CAPS2: variants seen among roughly 807,000 people sequenced by gnomAD.
The protein encoded by CAPS2 is calcyphosine 2, also known as calcyphosin-2.
CAPS2 carries 98 observed loss-of-function variants against 86.5 expected under a neutral mutation model. The ratio of observed to expected loss-of-function variants is 1.13; its 90% CI spans 0.96 to 1.34. The LOEUF is 1.34. Among genes scored for constraint, CAPS2 ranks in the 40% most tolerant of loss-of-function variants. The pLI is 0.00. For synonymous variants in CAPS2, 210 were observed against 225.1 expected (o/e 0.93, Z 0.60); for missense variants, 729 against 686.8 (o/e 1.06, Z -0.69).
At position 75,323,542 on chromosome 12, in the gene CAPS2, G is replaced by A. The variant is rs191939754; in HGVS notation, c.132-320C>T. Among the ~76,000 whole-genome samples, 434 of 152,184 alleles carry A rather than the reference G, an allele frequency of 2.9e-3. 3 individuals are homozygous for A. The highest frequency in any genetic ancestry group is 0.01 in the African/African-American group (419 of 41,520). On this transcript the variant is annotated intron_variant, in intron 2 of 16. Transcript: ENST00000393284. ...GCAGATCACCTGAGGTCGGGAGATC[G>A]AGACCAGCCTGACCAACATGGAGAA...
rs186880042 is a variant in CAPS2 at position 75,337,401 on chromosome 12, A to G, written c.-394-14179T>C. Among the ~76,000 whole-genome samples the G allele has an allele frequency of 3.8e-3, 575 of 152,038 alleles. 3 individuals carry two copies. Among genetic ancestry groups the G allele is most frequent in the Non-Finnish European group, 4.2e-3 (287 of 67,772 alleles). On this transcript the variant is annotated intron_variant, in intron 1 of 5. Coordinates refer to the CAPS2 transcript ENST00000551829. ...CACAACTCAAAAATCAATTTTAGGA[A>G]TGGAAAATCACTTTTAAAAAACTCC...
chr12:75,369,055 T>A (rs570068939), intron 1 of CAPS2, among the ~76,000 whole-genome samples: 1 of 152,072 alleles, frequency 6.6e-6, no homozygotes, highest in Non-Finnish European at 1.5e-5. Flanking sequence ...ATATTTTAGC[T>A]TGGTTGGCTT....
chr12:75,335,691 T>C lies in CAPS2; in HGVS notation c.-394-12469A>G, dbSNP rs1353382770. Among the ~76,000 whole-genome samples, 4 of 151,990 alleles carry C rather than the reference T, an allele frequency of 2.6e-5. No individual in the cohort carries two copies. In the East Asian group the frequency reaches 7.7e-4, roughly 29 times the overall value. ...AGTTCAAAACTGTACTAGTCTACTG[T>C]ATAAGAAAATTATATTTTGATGGAG... On this transcript the variant is annotated intron_variant, in intron 1 of 5. Coordinates refer to the CAPS2 transcript ENST00000551829.
At chr12:75,340,926 T>C (rs1270847450) in intron 1 of CAPS2, among the ~76,000 whole-genome samples, 1 of 151,736 alleles carries the variant, frequency 6.6e-6, no homozygotes, top group Non-Finnish European at 1.5e-5. Context: ...ATAATGACAA[T>C]ACCAAATACT....
At chr12:75,354,311 A>C (rs1468757365) in intron 1 of CAPS2, among the ~76,000 whole-genome samples, 2 of 151,786 alleles carry the variant, frequency 1.3e-5, no homozygotes, top group South Asian at 2.1e-4. Flanking sequence ...AGACAAAAAA[A>C]GTCACAAGCA....
In CAPS2 at chr12:75,306,403, G is replaced by A. The variant is rs192766027; in HGVS notation, c.660-1527C>T. The stretch of plus-strand genomic sequence containing the variant: ...GGTGAATGGTTTCTGACCCTCACCA[G>A]GCCTGTGGAAGGGTGGGGGTGGGTC... On this transcript the variant is annotated intron_variant, in intron 7 of 16. Transcript: ENST00000393284. 217 of 401,844 alleles carry A rather than the reference G, an allele frequency of 5.4e-4. 2 individuals carry two copies. The highest frequency in any genetic ancestry group is 4.5e-3 in the Middle Eastern group (5 of 1,118). The allele number at this position is 401,844 out of a possible 1,614,324, so 24.9% of individuals were successfully genotyped here.
chr12:75,337,969 T>C (rs2041851442), intron 1 of CAPS2, among the ~76,000 whole-genome samples: 1 of 152,126 alleles, frequency 6.6e-6, no homozygotes, highest in Admixed American at 6.5e-5. Flanking sequence ...TCAATCTAAA[T>C]AGTCTTATGC....
At chr12:75,276,546 A>G, downstream of CAPS2, 1 of 979,388 alleles carries the variant, frequency 1.0e-6, no homozygotes, top group Non-Finnish European at 1.2e-6. Flanking sequence ...AGGGACATAC[A>G]TGTTTAACTA....
intron 1 of CAPS2, among the ~76,000 whole-genome samples, chr12:75,343,487 A>G (rs575138752): frequency 3.9e-4 from 60 of 152,240 alleles, no homozygotes; most frequent in African/African-American, 1.3e-3. Context: ...TAATATAACA[A>G]TGAACTGTCA....
chr12:75,360,994 C>A (rs534164337), intron 1 of CAPS2: 1 of 152,216 alleles, frequency 6.6e-6, no homozygotes, highest in East Asian at 1.9e-4. Context: ...GTCTCACAAC[C>A]AGGAAGAATT....
At position 75,382,091 on chromosome 12, in the gene CAPS2, C is replaced by A. The variant is rs183736820; in HGVS notation, c.-395+8747G>T. 9.5e-4 allele frequency among the ~76,000 whole-genome samples: 144 copies of A among 152,178 alleles called. 1 individual carries two copies. The highest frequency in any genetic ancestry group is 4.3e-3 in the Admixed American group (66 of 15,288). ...CTTTTCTCCTTTAATGCTTCTCATG[C>A]ACAATTATCTGAATCTTAAATTTGA... On this transcript the variant is annotated intron_variant, in intron 1 of 5. Transcript: ENST00000551829.
chr12:75,286,781 A>C (rs2034948444), intron 14 of CAPS2, among the ~76,000 whole-genome samples: 1 of 151,780 alleles, frequency 6.6e-6, no homozygotes, highest in Non-Finnish European at 1.5e-5. Flanking sequence ...TTATCATTGC[A>C]TGAGCAGTTT....
Position 75,367,009 on chromosome 12 carries a change from A to G in CAPS2, c.-395+23829T>C, listed in dbSNP as rs376503343. 3 of 701,544 alleles carry G rather than the reference A, an allele frequency of 4.3e-6. No individual in the cohort carries two copies. In the African/African-American group the frequency reaches 5.2e-5, roughly 12 times the overall value. 43.5% of individuals were successfully genotyped at this position (701,544 alleles called of 1,614,324 possible). A position where few individuals can be genotyped will look rare whatever the true frequency, so the allele number is the denominator to read the frequency against. ...AAAATGTCCTTTCTCTTCAGAGCTG[A>G]GGAGGTAAGTCTCTCATTTATCTCT... On this transcript the variant is annotated intron_variant, in intron 1 of 5. Transcript: ENST00000551829.
At chr12:75,388,604 T>C (rs956244091) in intron 1 of CAPS2, among the ~76,000 whole-genome samples, 2 of 150,644 alleles carry the variant, frequency 1.3e-5, no homozygotes. Context: ...ATGAAGACAG[T>C]AAAAAAAAAT....
intron 5 of CAPS2, among the ~76,000 whole-genome samples, chr12:75,319,293 G>A (rs931140833): frequency 6.6e-5 from 10 of 152,094 alleles, no homozygotes; most frequent in Non-Finnish European, 1.3e-4. Context: ...TTTGGGTCAT[G>A]GAGGTCGATC....
intron 7 of CAPS2, among the ~76,000 whole-genome samples, chr12:75,307,872 T>C (rs1360359544): frequency 2.6e-5 from 4 of 152,306 alleles, no homozygotes; most frequent in Admixed American, 2.6e-4. Context: ...GGTGTCATTG[T>C]GTTTTTAAGG....
At chr12:75,366,701 G>T in intron 1 of CAPS2, 2 of 525,724 alleles carry the variant, frequency 3.8e-6, no homozygotes, top group South Asian at 2.5e-5. Context: ...TTTTTGTGTT[G>T]CAGATCAATG....
chr12:75,323,952 A>T (rs753861683), intron 2 of CAPS2, among the ~76,000 whole-genome samples: 6 of 152,168 alleles, frequency 3.9e-5, no homozygotes, highest in Non-Finnish European at 5.9e-5. Flanking sequence ...GATTATTTAC[A>T]CTGAAATTGG....
chr12:75,312,241 T>C (rs1036382958), intron 7 of CAPS2, among the ~76,000 whole-genome samples: 1 of 152,154 alleles, frequency 6.6e-6, no homozygotes, highest in Non-Finnish European at 1.5e-5. Context: ...AGGGGTACTA[T>C]GGGATATTTT....
Sources: allele counts gnomAD v4.1 joint callset (sites outside exome capture counted in the v4.1 genomes callset), GRCh38; gene constraint gnomAD v4.1.1; transcripts MANE v1.5; gene names NCBI Gene and HGNC (gene_info 2026-07-23, HGNC 2026-07-21).